Variants in LOC128092253 observed in about 807,000 individuals in gnomAD.
At chr6:133,963,874 CAA>C in the LOC128092253 span, among the ~76,000 whole-genome samples, 1,201 of 94,416 alleles carry the variant, frequency 0.013, 33 homozygotes, top group Admixed American at 0.096. Context: ...ACTAAAAATA[CAA>C]AAAAAAAAAA....
the LOC128092253 span, among the ~76,000 whole-genome samples, chr6:133,958,609 T>C: frequency 7.9e-5 from 12 of 152,338 alleles, no homozygotes; most frequent in African/African-American, 2.9e-4. Context: ...TAAGTCCAAA[T>C]GTTTTAGTTT....
the LOC128092253 span, among the ~76,000 whole-genome samples, chr6:133,978,106 A>G: frequency 2.0e-5 from 3 of 152,178 alleles, no homozygotes; most frequent in Non-Finnish European, 4.4e-5. Flanking sequence ...AGCTCTGATC[A>G]TTATGAAGGC....
At chr6:133,953,752 C>T in the LOC128092253 span, among the ~76,000 whole-genome samples, 2 of 151,144 alleles carry the variant, frequency 1.3e-5, no homozygotes, top group Non-Finnish European at 3.0e-5. Context: ...TCGTTTAAGC[C>T]ACCACTGGGA....
the LOC128092253 span, among the ~76,000 whole-genome samples, chr6:133,959,986 C>T: frequency 7.2e-5 from 11 of 152,256 alleles, no homozygotes; most frequent in Admixed American, 7.2e-4. Flanking sequence ...CAAGAACCAC[C>T]CCATCCTTTT....
chr6:133,961,249 A>C, the LOC128092253 span, among the ~76,000 whole-genome samples: 2 of 152,162 alleles, frequency 1.3e-5, no homozygotes, highest in African/African-American at 4.8e-5. Context: ...TATTGAGTTT[A>C]GGACCAAATG....
the LOC128092253 span, among the ~76,000 whole-genome samples, chr6:133,977,731 G>T: frequency 6.6e-6 from 1 of 152,152 alleles, no homozygotes; most frequent in South Asian, 2.1e-4. Context: ...TACTCATGAG[G>T]TCTAGAATTA....
chr6:133,978,373 G>T, the LOC128092253 span, among the ~76,000 whole-genome samples: 235 of 152,300 alleles, frequency 1.5e-3, 1 homozygote, highest in Middle Eastern at 6.8e-3. Flanking sequence ...TCTATTCCAT[G>T]TTACAATATG....
At chr6:133,958,438 C>G in the LOC128092253 span, among the ~76,000 whole-genome samples, 1 of 151,932 alleles carries the variant, frequency 6.6e-6, no homozygotes, top group African/African-American at 2.4e-5. Flanking sequence ...CTGCTCTGCC[C>G]CAGTAATTCA....
At chr6:133,964,891 G>A in the LOC128092253 span, among the ~76,000 whole-genome samples, 1 of 152,098 alleles carries the variant, frequency 6.6e-6, no homozygotes, top group Non-Finnish European at 1.5e-5. Flanking sequence ...AAAAACAGTC[G>A]AAACTATGAA....
At chr6:133,971,727 G>C in the LOC128092253 span, among the ~76,000 whole-genome samples, 1 of 152,070 alleles carries the variant, frequency 6.6e-6, no homozygotes, top group East Asian at 1.9e-4. Flanking sequence ...CCATTGGTAT[G>C]TCTTCTTTTG....
At chr6:133,976,107 G>A in the LOC128092253 span, among the ~76,000 whole-genome samples, 1 of 152,104 alleles carries the variant, frequency 6.6e-6, no homozygotes, top group Non-Finnish European at 1.5e-5. Context: ...TTTCATGAAT[G>A]TTGTGTCAAA....
At chr6:133,971,894 G>A in the LOC128092253 span, among the ~76,000 whole-genome samples, 1 of 152,098 alleles carries the variant, frequency 6.6e-6, no homozygotes, top group Admixed American at 6.5e-5. Flanking sequence ...TTTTCACCCT[G>A]TTAATAGTTT....
chr6:133,953,762 A>G, the LOC128092253 span, among the ~76,000 whole-genome samples: 2 of 150,370 alleles, frequency 1.3e-5, no homozygotes, highest in African/African-American at 4.9e-5. Context: ...CACCACTGGG[A>G]AAGACGGGGA....
At chr6:133,978,044 C>T in the LOC128092253 span, among the ~76,000 whole-genome samples, 1 of 152,160 alleles carries the variant, frequency 6.6e-6, no homozygotes, top group Non-Finnish European at 1.5e-5. Context: ...GCCAGGGAGG[C>T]TGACATCTAT....
At chr6:133,964,544 G>T in the LOC128092253 span, among the ~76,000 whole-genome samples, 15 of 150,346 alleles carry the variant, frequency 1.0e-4, no homozygotes, top group African/African-American at 3.2e-4. Context: ...TCCGTCTCCC[G>T]GGTTCACGCC....
chr6:133,972,708 T>G, the LOC128092253 span, among the ~76,000 whole-genome samples: 25 of 148,376 alleles, frequency 1.7e-4, 1 homozygote, highest in Admixed American at 9.0e-4. Flanking sequence ...TTGTTTGTTT[T>G]TTTCCCCTCA....
At chr6:133,965,950 T>C in the LOC128092253 span, among the ~76,000 whole-genome samples, 36 of 152,340 alleles carry the variant, frequency 2.4e-4, no homozygotes, top group East Asian at 5.8e-3. Context: ...ATCTGCCTTA[T>C]TTTACAGAGG....
At chr6:133,974,155 A>G in the LOC128092253 span, among the ~76,000 whole-genome samples, 1 of 152,188 alleles carries the variant, frequency 6.6e-6, no homozygotes, top group Admixed American at 6.5e-5. Flanking sequence ...TACTCTGGCA[A>G]ACATTATGGA....
the LOC128092253 span, among the ~76,000 whole-genome samples, chr6:133,966,559 G>A: frequency 7.9e-5 from 12 of 152,208 alleles, no homozygotes; most frequent in African/African-American, 2.6e-4. Flanking sequence ...TAACTGCTCC[G>A]TATCTCCTCT....
Sources: gnomAD v4.1 joint callset for allele counts (sites outside exome capture counted in the v4.1 genomes callset) on GRCh38, gnomAD v4.1.1 for gene constraint, MANE v1.5 for transcripts.